The following NRG3 variants were observed in gnomAD, a reference collection of about 807,000 sequenced individuals.
NRG3 encodes neuregulin 3.
NRG3 carries 31 observed loss-of-function variants against 66.9 expected under a neutral mutation model. That is an observed-to-expected ratio of 0.46 (90% CI 0.35 to 0.63). The LOEUF is 0.63. NRG3 is among the 20% of genes least tolerant of loss of function. The pLI, the probability that NRG3 is intolerant of heterozygous loss-of-function variation, is 0.00. For missense variants in NRG3, 910 were observed against 878.9 expected (o/e 1.04, Z -0.45); for synonymous variants, 393 against 359.4 (o/e 1.09, Z -1.06).
chr10:82,483,987 T>C (rs1022473863), intron 2 of NRG3, among the ~76,000 whole-genome samples: 1 of 152,272 alleles, frequency 6.6e-6, no homozygotes, highest in African/African-American at 2.4e-5. Context: ...GTAATTATAG[T>C]TCAAACTTTT....
intron 1 of NRG3, among the ~76,000 whole-genome samples, chr10:82,032,104 T>C (rs1326420796): frequency 6.8e-6 from 1 of 146,100 alleles, no homozygotes; most frequent in African/African-American, 2.6e-5. Context: ...ACTTTTATCT[T>C]GTTTGATTCT....
At chr10:82,741,992 T>C (rs2058445412) in intron 3 of NRG3, among the ~76,000 whole-genome samples, 1 of 152,168 alleles carries the variant, frequency 6.6e-6, no homozygotes, top group Non-Finnish European at 1.5e-5. Context: ...GATTGTTTAA[T>C]TTGCTGCTCA....
At chr10:82,951,644 T>C in intron 5 of NRG3, 73 bp downstream of exon 5, 3 of 1,288,386 alleles carry the variant, frequency 2.3e-6, no homozygotes. Flanking sequence ...AAGTTCTCAG[T>C]CTGTGTGCCA....
intron 1 of NRG3, among the ~76,000 whole-genome samples, chr10:82,006,766 G>A (rs766454261): frequency 1.3e-5 from 2 of 151,936 alleles, no homozygotes; most frequent in Non-Finnish European, 2.9e-5. Context: ...TTATTTTAAG[G>A]TCATTTATTC....
chr10:82,263,726 T>C (rs1270618538), intron 1 of NRG3, among the ~76,000 whole-genome samples: 2 of 152,176 alleles, frequency 1.3e-5, no homozygotes, highest in Non-Finnish European at 2.9e-5. Flanking sequence ...TAACCTTCCC[T>C]TTCCCAAGGG....
chr10:82,457,580 A>G (rs1311322367), intron 2 of NRG3, among the ~76,000 whole-genome samples: 1 of 152,146 alleles, frequency 6.6e-6, no homozygotes, highest in Admixed American at 6.5e-5. Flanking sequence ...TGTCTCCTGA[A>G]TCCAGCATAG....
intron 2 of NRG3, among the ~76,000 whole-genome samples, chr10:82,494,521 G>A (rs1843440085): frequency 6.6e-6 from 1 of 151,842 alleles, no homozygotes; most frequent in South Asian, 2.1e-4. Flanking sequence ...GTGAGAATTA[G>A]ATATTAACAT....
At chr10:82,665,343 A>G (rs1339737150) in intron 2 of NRG3, among the ~76,000 whole-genome samples, 1 of 152,188 alleles carries the variant, frequency 6.6e-6, no homozygotes, top group Non-Finnish European at 1.5e-5. Flanking sequence ...GCTTATTATC[A>G]TCAACAATTT....
At chr10:81,960,941 T>A (rs1006796625) in intron 1 of NRG3, among the ~76,000 whole-genome samples, 2 of 152,124 alleles carry the variant, frequency 1.3e-5, no homozygotes, top group African/African-American at 4.8e-5. Flanking sequence ...TAATCCTTCT[T>A]CTCTGCATGA....
chr10:82,936,456 G>C (rs1848074110), intron 4 of NRG3, among the ~76,000 whole-genome samples: 1 of 152,170 alleles, frequency 6.6e-6, no homozygotes, highest in African/African-American at 2.4e-5. Flanking sequence ...AGGGTTTAGG[G>C]GGAAGATGGG....
chr10:82,379,452 A>C (rs150803725), intron 2 of NRG3, among the ~76,000 whole-genome samples: 29 of 152,266 alleles, frequency 1.9e-4, no homozygotes, highest in African/African-American at 6.7e-4. Context: ...CGAGAATTGA[A>C]AGAGAGAATA....
chr10:82,519,428 T>C (rs968774831), intron 2 of NRG3, among the ~76,000 whole-genome samples: 1 of 152,172 alleles, frequency 6.6e-6, no homozygotes, highest in African/African-American at 2.4e-5. Flanking sequence ...AATTTAGCAA[T>C]GTAGGCGTTA....
intron 2 of NRG3, among the ~76,000 whole-genome samples, chr10:82,367,173 A>G (rs1290302036): frequency 6.6e-6 from 1 of 152,172 alleles, no homozygotes. Flanking sequence ...GTTTGCTCCC[A>G]TGATGATTTA....
intron 2 of NRG3, among the ~76,000 whole-genome samples, chr10:82,672,738 G>GT (rs1208010301): frequency 2.6e-5 from 4 of 152,116 alleles, no homozygotes; most frequent in African/African-American, 9.7e-5. Flanking sequence ...AATCTGCATG[G>GT]TTTTTTTGTT....
At chr10:82,756,899 C>T (rs1191746714) in intron 3 of NRG3, among the ~76,000 whole-genome samples, 1 of 151,418 alleles carries the variant, frequency 6.6e-6, no homozygotes, top group Non-Finnish European at 1.5e-5. Flanking sequence ...TACAAAAGCA[C>T]TTGTAAGTTG....
chr10:82,742,307 T>C (rs1345304870), intron 3 of NRG3, among the ~76,000 whole-genome samples: 3 of 152,160 alleles, frequency 2.0e-5, no homozygotes. Context: ...AGGATGTCAC[T>C]GTGAGAGCCT....
chr10:82,142,904 G>T (rs1043009635), intron 1 of NRG3, among the ~76,000 whole-genome samples: 1 of 147,592 alleles, frequency 6.8e-6, no homozygotes, highest in Non-Finnish European at 1.5e-5. Flanking sequence ...ATGGGTGTGT[G>T]CCACCACACC....
chr10:82,890,822 A>G (rs1564606611), intron 4 of NRG3, among the ~76,000 whole-genome samples: 1 of 152,052 alleles, frequency 6.6e-6, no homozygotes, highest in East Asian at 1.9e-4. Flanking sequence ...AATGGTCCCT[A>G]GTTTGTATAT....
intron 1 of NRG3, among the ~76,000 whole-genome samples, chr10:82,131,536 C>T (rs2068818045): frequency 6.2e-3 from 1 of 162 alleles, no homozygotes. Context: ...TTGTGGTTTC[C>T]CTATCAAATT....
Sources: gnomAD v4.1 joint callset for allele counts (sites outside exome capture counted in the v4.1 genomes callset) on GRCh38, gnomAD v4.1.1 for gene constraint, MANE v1.5 for transcripts, NCBI Gene and HGNC (gene_info 2026-07-23, HGNC 2026-07-21) for gene names.